Variants in HDAC6 observed in about 807,000 individuals in gnomAD.
HDAC6 encodes the protein protein deacetylase HDAC6.
Under a neutral mutation model 88.9 loss-of-function variants are expected in HDAC6, and 5 were observed. The observed-to-expected ratio is 0.06, with a 90% confidence interval of 0.03 to 0.12. The LOEUF is 0.12. Ranked by LOEUF, HDAC6 falls within the 10% of genes least tolerant of loss-of-function variation. The pLI is 1.00. For synonymous variants in HDAC6, 378 were observed against 398.0 expected (o/e 0.95, Z 0.60); for missense variants, 706 against 1,014.4 (o/e 0.70, Z 4.13).
chrX:48,802,043 C>T, upstream of HDAC6: 1 of 923,540 alleles, frequency 1.1e-6, no homozygotes, highest in Non-Finnish European at 1.4e-6. Context: ...CGTTAGCGGT[C>T]GGGTCTGGGC....
intron 23 of HDAC6, among the ~76,000 whole-genome samples, chrX:48,822,001 C>T (rs2063092077): frequency 8.9e-6 from 1 of 111,884 alleles, no homozygotes; most frequent in African/African-American, 3.2e-5. Flanking sequence ...GTTATGACCT[C>T]GGACAAGTCA....
At position 48,808,268 on chromosome X, in the gene HDAC6, G is replaced by A. The variant is rs1435417760; in HGVS notation, c.748G>A (p.Val250Ile). 14 of 1,207,029 alleles carry A rather than the reference G, an allele frequency of 1.2e-5. No individual in the cohort carries two copies. The highest frequency in any genetic ancestry group is 1.8e-5 in the South Asian group (1 of 56,358). ...CTCTGCTGCTCCTAGGGTCCTTATC[G>A]TAGATTGGGATGTGCACCACGGTCA... Reference protein sequence around the residue: ...QKHRIRRVLIVDWDVHHGQGT... With the variant: ...QKHRIRRVLIIDWDVHHGQGT... The change falls in exon 10 of 29, where the codon GTA becomes ATA. Residue 250 changes from valine to isoleucine, a missense_variant. Val to Ile is a conservative substitution (Grantham distance 29). Transcript: ENST00000334136.
upstream of HDAC6, chrX:48,801,586 C>T (rs782761225): frequency 2.7e-5 from 6 of 221,283 alleles, no homozygotes; most frequent in East Asian, 1.0e-3. Flanking sequence ...AAAGCTTGCA[C>T]CGCAGCCCTG....
At chrX:48,816,743 G>C in intron 19 of HDAC6, 110 bp downstream of exon 19, 1 of 628,728 alleles carries the variant, frequency 1.6e-6, no homozygotes, top group South Asian at 3.6e-5. Context: ...GAGGAAAGGG[G>C]CCATGGGGAG....
chrX:48,813,688 C>T (rs782191985), intron 10 of HDAC6: 6 of 111,861 alleles, frequency 5.4e-5, no homozygotes, highest in East Asian at 2.8e-4. Flanking sequence ...TTTTGCGTGT[C>T]GGTCATACTC....
chrX:48,822,632 C>T lies in HDAC6; in HGVS notation c.2350C>T (p.Leu784=), dbSNP rs782057421. The change falls in exon 24 of 29, where the codon CTG becomes TTG. Residue 784 remains leucine (L), a synonymous_variant. Transcript: ENST00000334136. The part of the protein sequence containing the change: ...IILILEGGYN[L]TSISESMAAC... ...TTCCTTAACAAAGGGTGGCTATAAC[C>T]TGACATCCATCTCAGAGTCCATGGC... is the stretch of plus-strand genomic sequence containing the variant. 2 of 1,186,966 alleles carry T rather than the reference C, an allele frequency of 1.7e-6. No homozygotes were observed. Among genetic ancestry groups the T allele is most frequent in the African/African-American group, 3.6e-5 (2 of 56,182 alleles).
At chrX:48,821,823 A>G (rs1034023443) in intron 23 of HDAC6, among the ~76,000 whole-genome samples, 12 of 111,445 alleles carry the variant, frequency 1.1e-4, no homozygotes, top group Non-Finnish European at 2.1e-4. Flanking sequence ...TGTTATTTTC[A>G]CCACTTTACA....
chrX:48,815,643 GTA>G lies in HDAC6; in HGVS notation c.1324+2_1324+3del. On this transcript the variant is annotated splice_donor_variant and splice_donor_region_variant and intron_variant, in intron 16 of 28. Coordinates refer to ENST00000334136, the MANE Select transcript of HDAC6 (RefSeq NM_006044.4). LOFTEE classifies it high-confidence loss of function. ...TTCTGGGAGGTTCTTGTGAGATCAA[GTA>G]GGAAGTGGGGTGTGGGCCTGGTGTG... 1 of 1,205,096 alleles carries G rather than the reference GTA, an allele frequency of 8.3e-7. No individual in the cohort carries two copies. Among genetic ancestry groups the G allele is most frequent in the Non-Finnish European group, 1.1e-6 (1 of 889,739 alleles).
chrX:48,806,527 C>T (rs1557024376), intron 7 of HDAC6, 63 bp downstream of exon 7: 7 of 1,063,555 alleles, frequency 6.6e-6, no homozygotes, highest in East Asian at 3.0e-5. Context: ...TCCCTATGCC[C>T]ACCCCACCCT....
rs1277083564 is a variant in HDAC6 at position 48,815,012 on chromosome X, C to T, written c.1110C>T (p.Leu370=). The change falls in exon 14 of 29, where the codon CTC becomes CTT. Residue 370 remains leucine (L), a synonymous_variant. Coordinates refer to ENST00000334136, the MANE Select transcript of HDAC6 (RefSeq NM_006044.4). ...GGTTCGCCCAGCTAACCCACCTGCT[C>T]ATGGGTCTGGCAGGAGGCAAGCTGA... ...PAGFAQLTHL[L]MGLAGGKLIL... is the part of the protein sequence containing the mutation. 8.3e-6 allele frequency: 10 copies of T among 1,204,132 alleles called. No individual in the cohort carries two copies. The highest frequency in any genetic ancestry group is 3.0e-5 in the East Asian group (1 of 33,572).
chrX:48,815,068 C>T lies in HDAC6; in HGVS notation c.1149+17C>T, dbSNP rs781851100. On this transcript the variant is annotated intron_variant, in intron 14 of 28. Transcript: ENST00000334136. The stretch of plus-strand genomic sequence containing the variant: ...TCTCTGGAGGTGAGTGACTCACCTT[C>T]GTCCCTCAGCCTGTGGATCCTGGAG... The T allele has an allele frequency of 4.4e-6, 5 of 1,144,096 alleles. No individual in the cohort carries two copies. Among genetic ancestry groups the T allele is most frequent in the South Asian group, 1.9e-5 (1 of 52,988 alleles). The allele number at this position is 1,144,096 out of a possible 1,213,427, so 94.3% of individuals were successfully genotyped here.
rs138466917 is a variant in HDAC6 at position 48,816,239 on chromosome X, C to T, written c.1592C>T (p.Ala531Val). The T allele has an allele frequency of 1.7e-5, 21 of 1,209,989 alleles. No individual in the cohort carries two copies. In the African/African-American group the frequency reaches 3.3e-4, roughly 19 times the overall value. Reference sequence around the variant, plus strand: ...TGCCTCACCCTGACACCGCGCCCTGCCACAGAGGCTGAGCTGCTCACCTGT... The same window carrying T: ...TGCCTCACCCTGACACCGCGCCCTGTCACAGAGGCTGAGCTGCTCACCTGT... ...GRCLTLTPRP[A>V]TEAELLTCHS... Residue 531 changes from alanine (A) to valine (V), a missense_variant, in exon 18 of 29, where the codon GCC becomes GTC. This residue lies in a region of HDAC6 where 138 missense variants were observed against 303.5 expected (regional missense o/e 0.45). Coordinates refer to ENST00000334136, the MANE Select transcript of HDAC6 (RefSeq NM_006044.4).
Position 48,823,513 on chromosome X carries a change from G to A in HDAC6, c.3114G>A (p.Gln1038=), listed in dbSNP as rs782560801. The change falls in exon 25 of 29, where the codon CAG becomes CAA. Residue 1038 remains glutamine (Q), a synonymous_variant. Coordinates refer to ENST00000334136, the MANE Select transcript of HDAC6 (RefSeq NM_006044.4). ...DHQTPPTSPV[Q]GTTPQISPST... ...AGACCCCCCCAACCTCACCTGTGCA[G>A]GGAACTACACCCCAGATATCTCCCA... The A allele has an allele frequency of 4.1e-6, 5 of 1,208,777 alleles. No individual in the cohort carries two copies. The African/African-American group carries it at 8.8e-5, about 21-fold the overall frequency.
At chrX:48,808,429 T>TG in intron 10 of HDAC6, 103 bp downstream of exon 10, 1 of 528,406 alleles carries the variant, frequency 1.9e-6, no homozygotes, top group Non-Finnish European at 3.2e-6. Context: ...TTCACATTCA[T>TG]GGGGCCTATC....
rs2147321450 is a variant in HDAC6, at chrX:48,802,711, G to T, written c.19G>T (p.Asp7Tyr). 2.5e-6 allele frequency: 3 copies of T among 1,208,755 alleles called. No individual in the cohort carries two copies. The highest frequency in any genetic ancestry group is 3.4e-6 in the Non-Finnish European group (3 of 894,042). Residue 7 changes from aspartate (D) to tyrosine (Y), a missense_variant, in exon 2 of 29, where the codon GAT (aspartate) becomes TAT (tyrosine). Transcript: ENST00000334136. MTSTGQ[D>Y]STTTRQRRSR... ...CTCAACTATGACCTCAACCGGCCAG[G>T]ATTCCACCACAACCAGGCAGCGAAG...
At chrX:48,812,207 C>T (rs1298127472) in intron 10 of HDAC6, among the ~76,000 whole-genome samples, 1 of 112,461 alleles carries the variant, frequency 8.9e-6, no homozygotes, top group Admixed American at 9.4e-5. Context: ...ATGTGAAACA[C>T]TGTGAATATA....
chrX:48,812,164 C>A (rs1428884189), intron 10 of HDAC6, among the ~76,000 whole-genome samples: 1 of 112,362 alleles, frequency 8.9e-6, no homozygotes, highest in Non-Finnish European at 1.9e-5. Flanking sequence ...GCTGTGTGTT[C>A]TTTCATGGGT....
chrX:48,805,287 G>A (rs1211136709), intron 4 of HDAC6, 151 bp from the exon 5 acceptor site: 6 of 462,549 alleles, frequency 1.3e-5, no homozygotes, highest in African/African-American at 9.8e-5. Context: ...GGTGAGGAGA[G>A]GGTCACACAC....
intron 25 of HDAC6, 39 bp from the exon 26 acceptor site, chrX:48,823,633 C>G: frequency 1.7e-6 from 2 of 1,192,667 alleles, no homozygotes; most frequent in African/African-American, 1.7e-5. Flanking sequence ...GGGCAAGAAT[C>G]GGGCTTCTCT....
Sources: allele counts gnomAD v4.1 joint callset (sites outside exome capture counted in the v4.1 genomes callset), GRCh38; gene constraint gnomAD v4.1.1; regional missense constraint gnomAD v4.1.1; transcripts MANE v1.5; gene names NCBI Gene and HGNC (gene_info 2026-07-23, HGNC 2026-07-21).